IL1RAPL1: variants seen among roughly 807,000 people sequenced by gnomAD.
The protein encoded by IL1RAPL1 is interleukin 1 receptor accessory protein like 1, also known as interleukin-1 receptor accessory protein-like 1.
Under a neutral mutation model 48.4 loss-of-function variants are expected in IL1RAPL1, and 3 were observed. The ratio of observed to expected loss-of-function variants is 0.06; its 90% CI spans 0.03 to 0.16. IL1RAPL1 has a LOEUF of 0.16. Among genes scored for constraint, IL1RAPL1 ranks in the 10% least tolerant of loss-of-function variants. The pLI is 1.00. For missense variants in IL1RAPL1, 349 were observed against 530.6 expected (o/e 0.66, Z 3.36); for synonymous variants, 185 against 187.7 (o/e 0.99, Z 0.12).
At chrX:29,945,869 C>T (rs956517140) in intron 9 of IL1RAPL1, among the ~76,000 whole-genome samples, 1 of 111,283 alleles carries the variant, frequency 9.0e-6, no homozygotes, top group Non-Finnish European at 1.9e-5. Context: ...TCTCTCAGTT[C>T]GTTCACATCA....
intron 2 of IL1RAPL1, among the ~76,000 whole-genome samples, chrX:28,951,992 T>A (rs1270515241): frequency 1.8e-5 from 2 of 110,585 alleles, no homozygotes; most frequent in African/African-American, 6.6e-5. Flanking sequence ...AAGACTGCAG[T>A]CCTCATATAC....
intron 5 of IL1RAPL1, among the ~76,000 whole-genome samples, chrX:29,654,383 C>T (rs770488225): frequency 3.6e-5 from 4 of 111,788 alleles, no homozygotes; most frequent in Non-Finnish European, 7.5e-5. Context: ...AATAAAGACA[C>T]ACCCAAGACT....
chrX:29,157,457 T>G (rs1929591767), intron 2 of IL1RAPL1, among the ~76,000 whole-genome samples: 1 of 111,975 alleles, frequency 8.9e-6, no homozygotes, highest in African/African-American at 3.2e-5. Context: ...TGTGTATATA[T>G]TTGTCCTCAA....
At chrX:29,853,349 A>C (rs1024698194) in intron 6 of IL1RAPL1, among the ~76,000 whole-genome samples, 1 of 110,220 alleles carries the variant, frequency 9.1e-6, no homozygotes, top group Non-Finnish European at 1.9e-5. Context: ...AAAAGAAAAA[A>C]AAATTAGCCA....
rs1163255083 is a variant in IL1RAPL1 at position 28,952,977 on chromosome X, T to C, written c.82+163552T>C. Among the ~76,000 whole-genome samples the C allele has an allele frequency of 2.7e-5, 3 of 111,715 alleles. No homozygotes were observed. The Admixed American group carries it at 2.9e-4, about 11-fold the overall frequency. ...ACACATTAATGAAAGTCCATTGTTATGGTTAATCCCCTGGCAACTTGATCT... is the reference window on the plus strand; with the variant it reads ...ACACATTAATGAAAGTCCATTGTTACGGTTAATCCCCTGGCAACTTGATCT... On this transcript the variant is annotated intron_variant, in intron 2 of 10. Transcript: ENST00000378993.
intron 6 of IL1RAPL1, among the ~76,000 whole-genome samples, chrX:29,885,086 A>G (rs890214103): frequency 3.6e-5 from 4 of 111,219 alleles, no homozygotes; most frequent in African/African-American, 1.3e-4. Flanking sequence ...CTTATGCCAC[A>G]ACAGCCCCAC....
intron 2 of IL1RAPL1, among the ~76,000 whole-genome samples, chrX:29,242,542 C>T (rs1362469256): frequency 8.9e-6 from 1 of 112,265 alleles, no homozygotes. Flanking sequence ...TAACTTGAGG[C>T]TCATTCATTC....
chrX:29,318,467 G>C (rs1401088798), intron 3 of IL1RAPL1, among the ~76,000 whole-genome samples: 1 of 112,125 alleles, frequency 8.9e-6, no homozygotes, highest in Non-Finnish European at 1.9e-5. Context: ...ATAATTGTTG[G>C]TGGGCATGAA....
intron 6 of IL1RAPL1, among the ~76,000 whole-genome samples, chrX:29,800,830 C>CA (rs368811843): frequency 0.045 from 1,650 of 36,347 alleles, 29 homozygotes; most frequent in East Asian, 0.1. Context: ...ACTAAAAATA[C>CA]AAAAAAAAAA....
chrX:29,077,555 A>C (rs1390088254), intron 2 of IL1RAPL1, among the ~76,000 whole-genome samples: 1 of 106,770 alleles, frequency 9.4e-6, no homozygotes, highest in African/African-American at 3.4e-5. Flanking sequence ...GTGAGCCGAG[A>C]TTGTGCCACT....
chrX:28,953,090 A>G (rs748827760), intron 2 of IL1RAPL1, among the ~76,000 whole-genome samples: 26 of 111,617 alleles, frequency 2.3e-4, no homozygotes, highest in South Asian at 7.3e-4. Context: ...GACTTGTTCA[A>G]TAAAGCTCAT....
intron 2 of IL1RAPL1, among the ~76,000 whole-genome samples, chrX:29,252,333 A>T (rs1931657848): frequency 8.8e-6 from 1 of 113,803 alleles, no homozygotes; most frequent in African/African-American, 3.2e-5. Context: ...AAGCAAATAT[A>T]GTGTAGAGAA....
At chrX:28,880,399 G>A (rs957281182) in intron 2 of IL1RAPL1, among the ~76,000 whole-genome samples, 5 of 112,190 alleles carry the variant, frequency 4.5e-5, no homozygotes, top group African/African-American at 1.6e-4. Context: ...TTAGTGTTGG[G>A]AATCTCACTA....
chrX:29,381,833 A>AAAT (rs1365599735), intron 3 of IL1RAPL1, among the ~76,000 whole-genome samples: 17 of 25,391 alleles, frequency 6.7e-4, no homozygotes, highest in African/African-American at 8.1e-4. Flanking sequence ...AAAAAAAAAA[A>AAAT]ATATATATAT....
intron 2 of IL1RAPL1, among the ~76,000 whole-genome samples, chrX:29,013,874 T>G (rs1461110399): frequency 1.8e-5 from 2 of 109,852 alleles, no homozygotes; most frequent in African/African-American, 6.6e-5. Flanking sequence ...ACTTAAAAGT[T>G]GAAGGAAAAA....
intron 1 of IL1RAPL1, among the ~76,000 whole-genome samples, chrX:28,725,329 C>T (rs1935658779): frequency 9.0e-6 from 1 of 111,634 alleles, no homozygotes; most frequent in Non-Finnish European, 1.9e-5. Flanking sequence ...ATTCACTGGA[C>T]TAGAGAGGAC....
intron 9 of IL1RAPL1, among the ~76,000 whole-genome samples, chrX:29,949,073 T>C (rs1421604544): frequency 8.9e-6 from 1 of 111,939 alleles, no homozygotes; most frequent in Non-Finnish European, 1.9e-5. Context: ...ATCCCGCAGA[T>C]TCCTTGCTTC....
intron 2 of IL1RAPL1, among the ~76,000 whole-genome samples, chrX:28,872,188 ATT>A (rs10566764): frequency 0.017 from 1,800 of 103,336 alleles, 44 homozygotes; most frequent in African/African-American, 0.06. Flanking sequence ...TTTAAAAACA[ATT>A]TTTTTTTTTT....
intron 5 of IL1RAPL1, among the ~76,000 whole-genome samples, chrX:29,591,557 G>A (rs756034417): frequency 1.8e-5 from 2 of 112,129 alleles, no homozygotes; most frequent in South Asian, 3.7e-4. Flanking sequence ...CTCTGCCCTT[G>A]TCTTCTTCCT....
Sources: gnomAD v4.1 joint callset for allele counts (sites outside exome capture counted in the v4.1 genomes callset) on GRCh38, gnomAD v4.1.1 for gene constraint, MANE v1.5 for transcripts, NCBI Gene and HGNC (gene_info 2026-07-23, HGNC 2026-07-21) for gene names.